Variants in CFAP299 observed in about 807,000 individuals in gnomAD.
CFAP299 encodes cilia and flagella associated protein 299.
A neutral mutation model predicts 27.0 loss-of-function variants in CFAP299; 21 were observed. The ratio of observed to expected loss-of-function variants is 0.78; its 90% CI spans 0.55 to 1.12. The LOEUF is 1.12. CFAP299 is among the 50% of genes most tolerant of loss of function. The probability of loss-of-function intolerance (pLI) is 0.00; values close to 1 mark genes in which losing one functional copy is unlikely to be tolerated. For synonymous variants in CFAP299, 104 were observed against 98.1 expected, an observed-to-expected ratio of 1.06 and a Z score of -0.36; for missense variants, 310 against 276.6, an observed-to-expected ratio of 1.12 and a Z score of -0.86.
chr4:80,899,798 C>T lies in CFAP299; in HGVS notation c.476+29663C>T, dbSNP rs896914119. On this transcript the variant is annotated intron_variant, in intron 4 of 5. Transcript: ENST00000358105. ...CATTGGGCAAGTTACCTGGCTTACT[C>T]TCTCTGCCTCATTTGTCCCACCAGT... Among the ~76,000 whole-genome samples the T allele has an allele frequency of 2.0e-5, 3 of 152,196 alleles. No individual in the cohort carries two copies. The South Asian group carries it at 6.2e-4, about 31-fold the overall frequency.
intron 2 of CFAP299, among the ~76,000 whole-genome samples, chr4:80,486,282 A>G (rs1364949123): frequency 2.0e-5 from 3 of 152,168 alleles, no homozygotes; most frequent in Non-Finnish European, 4.4e-5. Flanking sequence ...AATGCCAGTA[A>G]TTTCTACACC....
rs183360321 is a variant in CFAP299 at position 80,403,045 on chromosome 4, A to G, written c.242+40161A>G. 3.1e-3 allele frequency among the ~76,000 whole-genome samples: 471 copies of G among 152,344 alleles called. 1 individual carries two copies. Among genetic ancestry groups the G allele is most frequent in the South Asian group, 0.028 (133 of 4,830 alleles). ...TTAATATGTTTATTTAACAATATTA[A>G]ATCAGTTTTGAAAAGGTGCAGGTGT... On this transcript the variant is annotated intron_variant, in intron 2 of 5. Coordinates refer to ENST00000358105, the MANE Select transcript of CFAP299 (RefSeq NM_152770.3).
At chr4:80,434,361 C>T (rs1019778696) in intron 2 of CFAP299, among the ~76,000 whole-genome samples, 4 of 152,198 alleles carry the variant, frequency 2.6e-5, no homozygotes, top group Non-Finnish European at 5.9e-5. Context: ...GTAAGGACTA[C>T]ATTTCCCAAG....
intron 2 of CFAP299, among the ~76,000 whole-genome samples, chr4:80,397,347 A>AT (rs1219963583): frequency 6.6e-6 from 1 of 151,888 alleles, no homozygotes; most frequent in Admixed American, 6.6e-5. Flanking sequence ...GGATTCATTG[A>AT]TTTTTTGAAG....
At chr4:80,800,464 TAA>T (rs1560419023) in intron 3 of CFAP299, among the ~76,000 whole-genome samples, 1,725 of 15,376 alleles carry the variant, frequency 0.11, 142 homozygotes, top group East Asian at 0.37. Flanking sequence ...ATATAATATA[TAA>T]TATATAATAT....
intron 2 of CFAP299, among the ~76,000 whole-genome samples, chr4:80,483,014 C>A (rs1409386937): frequency 6.6e-6 from 1 of 152,096 alleles, no homozygotes; most frequent in Non-Finnish European, 1.5e-5. Flanking sequence ...CAAAACGGAA[C>A]TAAGGTTGTA....
chr4:80,830,353 T>A (rs1272461639), intron 3 of CFAP299, among the ~76,000 whole-genome samples: 1 of 152,106 alleles, frequency 6.6e-6, no homozygotes, highest in African/African-American at 2.4e-5. Flanking sequence ...TATTTAAGGC[T>A]ATTCAAGGGG....
chr4:80,862,564 A>C (rs1732449184), intron 3 of CFAP299, among the ~76,000 whole-genome samples: 1 of 152,130 alleles, frequency 6.6e-6, no homozygotes, highest in Non-Finnish European at 1.5e-5. Context: ...AGTGGCTGCA[A>C]TTATCCACTT....
intron 3 of CFAP299, among the ~76,000 whole-genome samples, chr4:80,856,898 GT>G (rs1731936269): frequency 6.6e-6 from 1 of 151,750 alleles, no homozygotes; most frequent in African/African-American, 2.4e-5. Context: ...CTCTTTTTTG[GT>G]TCCATATGAA....
At chr4:80,668,511 T>C (rs913803515) in intron 3 of CFAP299, among the ~76,000 whole-genome samples, 1 of 152,180 alleles carries the variant, frequency 6.6e-6, no homozygotes, top group Non-Finnish European at 1.5e-5. Context: ...GTTTTATTCT[T>C]CTGTGTTGAT....
At chr4:80,638,678 G>A (rs1158256189) in intron 3 of CFAP299, among the ~76,000 whole-genome samples, 1 of 152,122 alleles carries the variant, frequency 6.6e-6, no homozygotes. Flanking sequence ...CATATTTTCT[G>A]ATGGTAAGTT....
At chr4:80,338,373 T>TA (rs1722266595) in intron 1 of CFAP299, among the ~76,000 whole-genome samples, 1 of 152,170 alleles carries the variant, frequency 6.6e-6, no homozygotes, top group Non-Finnish European at 1.5e-5. Context: ...CACAATGTTA[T>TA]ACAAGAGATC....
At chr4:80,420,184 A>G in intron 2 of CFAP299, 1 of 456,086 alleles carries the variant, frequency 2.2e-6, no homozygotes, top group South Asian at 1.5e-5. Flanking sequence ...GAGGGAATAG[A>G]TGGTAAATGT....
chr4:80,613,653 A>T (rs75218622), intron 3 of CFAP299, among the ~76,000 whole-genome samples: 6,611 of 152,220 alleles, frequency 0.043, 470 homozygotes, highest in African/African-American at 0.15. Flanking sequence ...CACTTGCATC[A>T]GAATCACCTA....
At chr4:80,748,072 C>T (rs1052185170) in intron 3 of CFAP299, among the ~76,000 whole-genome samples, 1 of 152,064 alleles carries the variant, frequency 6.6e-6, no homozygotes, top group African/African-American at 2.4e-5. Flanking sequence ...TGTTGTCTAG[C>T]CAGGTAAATC....
chr4:80,848,367 TG>T (rs374586034), intron 3 of CFAP299, among the ~76,000 whole-genome samples: 513 of 152,376 alleles, frequency 3.4e-3, no homozygotes, highest in Non-Finnish European at 5.6e-3. Context: ...TTCATCTTTT[TG>T]TAAACATAGA....
At chr4:80,739,697 C>T (rs1417726290) in intron 3 of CFAP299, among the ~76,000 whole-genome samples, 3 of 151,766 alleles carry the variant, frequency 2.0e-5, no homozygotes, top group Non-Finnish European at 4.4e-5. Context: ...TTTCTATAAG[C>T]TTCTTGTCCT....
chr4:80,386,521 G>C (rs1725013275), intron 2 of CFAP299: 1 of 1,567,990 alleles, frequency 6.4e-7, no homozygotes, highest in Non-Finnish European at 8.7e-7. Context: ...GTGGGGGGGG[G>C]GGGTGCCGCC....
chr4:80,775,626 TA>T (rs1298351275), intron 3 of CFAP299, among the ~76,000 whole-genome samples: 1 of 151,412 alleles, frequency 6.6e-6, no homozygotes, highest in South Asian at 2.1e-4. Flanking sequence ...GAAAGTTTAC[TA>T]AAAAAAAGCA....
Sources: gnomAD v4.1 joint callset for allele counts (sites outside exome capture counted in the v4.1 genomes callset) on GRCh38, gnomAD v4.1.1 for gene constraint, MANE v1.5 for transcripts, NCBI Gene and HGNC (gene_info 2026-07-23, HGNC 2026-07-21) for gene names.